NOTCH4: variants seen among roughly 807,000 people sequenced by gnomAD.
NOTCH4 encodes neurogenic locus notch homolog protein 4.
Under a neutral mutation model 189.0 loss-of-function variants are expected in NOTCH4, and 138 were observed. The observed-to-expected ratio is 0.73, with a 90% CI of 0.64 to 0.84. The LOEUF is 0.84. Ranked by LOEUF, NOTCH4 falls within the 40% of genes least tolerant of loss-of-function variation. The probability of loss-of-function intolerance (pLI) is 0.00; values close to 1 mark genes in which losing one functional copy is unlikely to be tolerated. For missense variants in NOTCH4, 2,286 were observed against 2,605.4 expected, an observed-to-expected ratio of 0.88 and a Z score of 2.67; for synonymous variants, 942 against 1,032.8, an observed-to-expected ratio of 0.91 and a Z score of 1.69.
At position 32,203,822 on chromosome 6, in the gene NOTCH4, G is replaced by T. The variant is rs1380445588; in HGVS notation, c.3179C>A (p.Thr1060Asn). Reference protein sequence around the residue: ...CHSQPCFHGGTCEATAGSPLG... With the variant: ...CHSQPCFHGGNCEATAGSPLG... Reference sequence around the variant, plus strand: ...GGGTGATCCTGCTGTGGCCTCACAGGTCCCTCCATGAAAGCAGGGTTGGCT... The same window carrying T: ...GGGTGATCCTGCTGTGGCCTCACAGTTCCCTCCATGAAAGCAGGGTTGGCT... The change falls in exon 20 of 30, where the codon ACC becomes AAC. Residue 1060 changes from threonine (T) to asparagine (N), a missense_variant. By Grantham distance (65) the Thr-to-Asn change is moderately conservative. Around this residue, in one of 2 missense-constraint regions of NOTCH4, gnomAD observed 1,903 missense variants for 2,261.9 expected, o/e 0.84. Coordinates refer to ENST00000375023, the MANE Select transcript of NOTCH4 (RefSeq NM_004557.4). 3.2e-6 allele frequency: 5 copies of T among 1,562,396 alleles called. No individual in the cohort carries two copies. Among genetic ancestry groups the T allele is most frequent in the Non-Finnish European group, 3.5e-6 (4 of 1,152,812 alleles).
chr6:32,214,038 G>A (rs958564778), intron 13 of NOTCH4, 72 bp downstream of exon 13: 28 of 1,529,822 alleles, frequency 1.8e-5, no homozygotes, highest in African/African-American at 4.2e-5. Context: ...CTCAGGGCCC[G>A]TGGTCGCCTG....
chr6:32,220,910 G>A (rs1481771552), intron 4 of NOTCH4, 32 bp from the exon 5 acceptor site: 3 of 1,607,412 alleles, frequency 1.9e-6, no homozygotes, highest in Non-Finnish European at 1.7e-6. Flanking sequence ...TGTGGGAGGA[G>A]GCTCCAACGG....
rs1286832267 is a variant in NOTCH4, at chr6:32,220,126, C to T, written c.1315+3G>A. 7 of 1,613,094 alleles carry T rather than the reference C, an allele frequency of 4.3e-6. No homozygotes were observed. The highest frequency in any genetic ancestry group is 5.9e-6 in the Non-Finnish European group (7 of 1,179,904). ...AGAGGCTCTGAAGTGGGAGTGGCCT[C>T]ACCCATCAGACACTCGTCCAGGTCC... On this transcript the variant is annotated splice_donor_region_variant and intron_variant, in intron 7 of 29. Transcript: ENST00000375023.
intron 15 of NOTCH4, 54 bp downstream of exon 15, chr6:32,213,081 G>T: frequency 7.3e-7 from 1 of 1,372,234 alleles, no homozygotes; most frequent in Non-Finnish European, 1.0e-6. Context: ...TGAGAGGAGG[G>T]GTGGGAAGGC....
At chr6:32,220,078 G>A (rs765643030) in intron 7 of NOTCH4, 51 bp downstream of exon 7, 2 of 1,579,286 alleles carry the variant, frequency 1.3e-6, no homozygotes, top group East Asian at 2.2e-5. Flanking sequence ...TGTCTTCAGT[G>A]CAGAGGCCTG....
Position 32,195,914 on chromosome 6 carries a change from C to G in NOTCH4, c.5535G>C (p.Thr1845=). 1 of 1,586,176 alleles carries G rather than the reference C, an allele frequency of 6.3e-7. No individual in the cohort carries two copies. Among genetic ancestry groups the G allele is most frequent in the Non-Finnish European group, 8.5e-7 (1 of 1,173,756 alleles). The change falls in exon 30 of 30, where the codon ACG becomes ACC. Residue 1845 remains threonine (T), a synonymous_variant. Coordinates refer to ENST00000375023, the MANE Select transcript of NOTCH4 (RefSeq NM_004557.4). The surrounding 1 kb of genome is among the most constrained non-coding windows in gnomAD (Gnocchi z 5.4). ...REAGPFPRAR[T]VSVSVPPHGG... Reference sequence around the variant, plus strand: ...CATGCGGGGGCACGCTTACTGACACCGTCCGTGCGCGCGGGAAGGGCCCAG... The same window carrying G: ...CATGCGGGGGCACGCTTACTGACACGGTCCGTGCGCGCGGGAAGGGCCCAG...
In NOTCH4 at chr6:32,199,010, G is replaced by C; in HGVS notation, c.4451C>G (p.Pro1484Arg). 1 of 1,612,390 alleles carries C rather than the reference G, an allele frequency of 6.2e-7. No individual in the cohort carries two copies. The highest frequency in any genetic ancestry group is 8.5e-7 in the Non-Finnish European group (1 of 1,179,652). The change falls in exon 24 of 30, where the codon CCC (proline) becomes CGC (arginine). Residue 1484 changes from proline (P) to arginine (R), a missense_variant. By Grantham distance (103) the Pro-to-Arg change is moderately radical. Transcript: ENST00000375023. This position sits in a 1 kb window ranked among gnomAD's most constrained non-coding sequence, Gnocchi z 4.9. ...CCGAGGCCGTCGAGTGAAACCAGGGGGCAGCCAGAGAGCTCCATGCTCTCG... is the reference window on the plus strand; with the variant it reads ...CCGAGGCCGTCGAGTGAAACCAGGGCGCAGCCAGAGAGCTCCATGCTCTCG... ...RRREHGALWL[P>R]PGFTRRPRTQ...
chr6:32,201,457 G>T lies in NOTCH4; in HGVS notation c.3799C>A (p.His1267Asn). The T allele has an allele frequency of 6.5e-7, 1 of 1,527,796 alleles. No individual in the cohort carries two copies. The allele number at this position is 1,527,796 out of a possible 1,614,324, so 94.6% of individuals were successfully genotyped here. A position where few individuals can be genotyped will look rare whatever the true frequency, so the allele number is the denominator to read the frequency against. The stretch of plus-strand genomic sequence containing the variant: ...GCAGTGTTGCAGCCTTTCTCACAGT[G>T]CCCGTTGTGGAAGTGATCATGGCAG... The part of the protein sequence containing the change: ...QYCHDHFHNG[H>N]CEKGCNTAEC... Residue 1267 changes from histidine to asparagine, a missense_variant, in exon 22 of 30, where the codon CAC becomes AAC. This residue lies in a region of NOTCH4 where 1,903 missense variants were observed against 2,261.9 expected (regional missense o/e 0.84). Transcript: ENST00000375023. This position sits in a 1 kb window ranked among gnomAD's most constrained non-coding sequence, Gnocchi z 5.5.
rs772802948 is a variant in NOTCH4 at position 32,204,371 on chromosome 6, C to T, written c.2884G>A (p.Gly962Arg). The T allele has an allele frequency of 6.2e-7, 1 of 1,613,000 alleles. No individual in the cohort carries two copies. The highest frequency in any genetic ancestry group is 8.5e-7 in the Non-Finnish European group (1 of 1,179,994). ...TCGAGTTCCTTTGAGCAGTTCTGTC[C>T]ATCGTAGCCTGGGGCACACTGCAGA... ...YLCQCAPGYD[G>R]QNCSKELDAC... The change falls in exon 19 of 30, where the codon GGA becomes AGA. Residue 962 changes from glycine to arginine, a missense_variant. Gly to Arg is a moderately radical substitution (Grantham distance 125). Coordinates refer to ENST00000375023, the MANE Select transcript of NOTCH4 (RefSeq NM_004557.4).
intron 27 of NOTCH4, 40 bp downstream of exon 27, chr6:32,197,259 G>A (rs1377444699): frequency 1.3e-6 from 2 of 1,514,818 alleles, no homozygotes; most frequent in East Asian, 4.5e-5. Flanking sequence ...TTACTTGTAA[G>A]CTCGCCCCAT....
At chr6:32,219,033 T>C (rs1789586673) in intron 8 of NOTCH4, among the ~76,000 whole-genome samples, 1 of 152,200 alleles carries the variant, frequency 6.6e-6, no homozygotes, top group Admixed American at 6.5e-5. Flanking sequence ...TTTTCTGATT[T>C]CATTCAACTC....
At chr6:32,220,358 A>G (rs2127486838) in intron 6 of NOTCH4, 47 bp downstream of exon 6, 1 of 1,610,952 alleles carries the variant, frequency 6.2e-7, no homozygotes, top group Non-Finnish European at 8.5e-7. Context: ...TGCTTCTCTC[A>G]CCCTCCTTCT....
chr6:32,201,390 C>T lies in NOTCH4; in HGVS notation c.3866G>A (p.Gly1289Glu). ...WDGGDCRPED[G>E]DPEWGPSLAL... Reference sequence around the variant, plus strand: ...CAGGGAGGGCCCCCACTCTGGGTCCCCATCTTCAGGCCTGCAGTCACCTCC... The same window carrying T: ...CAGGGAGGGCCCCCACTCTGGGTCCTCATCTTCAGGCCTGCAGTCACCTCC... Residue 1289 changes from glycine (G) to glutamate (E), a missense_variant, in exon 22 of 30, where the codon GGG becomes GAG. By Grantham distance (98) the Gly-to-Glu change is moderately conservative. Transcript: ENST00000375023. The surrounding 1 kb of genome is among the most constrained non-coding windows in gnomAD (Gnocchi z 5.5). 1 of 1,584,568 alleles carries T rather than the reference C, an allele frequency of 6.3e-7. No individual in the cohort carries two copies. Among genetic ancestry groups the T allele is most frequent in the South Asian group, 1.2e-5 (1 of 86,410 alleles).
At position 32,195,980 on chromosome 6, in the gene NOTCH4, C is replaced by T. The variant is rs1460535288; in HGVS notation, c.5469G>A (p.Gly1823=). ...TGGCTTTGTGACGGGCCTCTGGTGG[C>T]CCAGCCCCTTCCAGCAGCGTCAGCA... The part of the protein sequence containing the change: ...WDLLTLLEGA[G]PPEARHKATP... Residue 1823 remains glycine, a synonymous_variant, in exon 30 of 30, where the codon GGG becomes GGA. Coordinates refer to ENST00000375023, the MANE Select transcript of NOTCH4 (RefSeq NM_004557.4). The surrounding 1 kb of genome is among the most constrained non-coding windows in gnomAD (Gnocchi z 5.4). The T allele has an allele frequency of 4.4e-6, 7 of 1,598,682 alleles. No individual in the cohort carries two copies. The highest frequency in any genetic ancestry group is 5.1e-6 in the Non-Finnish European group (6 of 1,179,092).
At position 32,203,807 on chromosome 6, in the gene NOTCH4, G is replaced by A; in HGVS notation, c.3194C>T (p.Ala1065Val). The change falls in exon 20 of 30, where the codon GCA becomes GTA. Residue 1065 changes from alanine (A) to valine (V), a missense_variant. Coordinates refer to ENST00000375023, the MANE Select transcript of NOTCH4 (RefSeq NM_004557.4). ...CFHGGTCEAT[A>V]GSPLGFICHC... ...GCAGATGAAACCCAGGGGTGATCCT[G>A]CTGTGGCCTCACAGGTCCCTCCATG... 6.4e-7 allele frequency: 1 copy of A among 1,560,356 alleles called. No individual in the cohort carries two copies. Among genetic ancestry groups the A allele is most frequent in the Non-Finnish European group, 8.7e-7 (1 of 1,151,734 alleles).
At chr6:32,204,506 C>T in intron 18 of NOTCH4, 117 bp from the exon 19 acceptor site, 1 of 1,110,414 alleles carries the variant, frequency 9.0e-7, no homozygotes, top group Non-Finnish European at 1.3e-6. Flanking sequence ...CAGCATCACT[C>T]AACTCACCAT....
chr6:32,216,038 T>A (rs2395104), intron 11 of NOTCH4: 30,833 of 150,568 alleles, frequency 0.2, 3,479 homozygotes, highest in East Asian at 0.37. Flanking sequence ...TATTTTTTTT[T>A]TTTTTTGAGG....
At chr6:32,203,682 C>T in intron 20 of NOTCH4, 88 bp downstream of exon 20, 3 of 961,108 alleles carry the variant, frequency 3.1e-6, no homozygotes, top group Non-Finnish European at 3.1e-6. Flanking sequence ...TCAGTGCTCA[C>T]CCACAGTCCC....
rs1181586052 is a variant in NOTCH4 at position 32,199,431 on chromosome 6, G to A, written c.4316-286C>T. On this transcript the variant is annotated intron_variant, in intron 23 of 29. Transcript: ENST00000375023. The surrounding 1 kb of genome is among the most constrained non-coding windows in gnomAD (Gnocchi z 4.9). ...AAAATATAAAAATTAGTGGCTGGGT[G>A]TAGTGGCTTACTCCTATAATCTCAG... Among the ~76,000 whole-genome samples the A allele has an allele frequency of 6.6e-6, 1 of 152,174 alleles. No individual in the cohort carries two copies. The highest frequency in any genetic ancestry group is 1.5e-5 in the Non-Finnish European group (1 of 68,044).
Sources: gnomAD v4.1 joint callset for allele counts (sites outside exome capture counted in the v4.1 genomes callset) on GRCh38, gnomAD v4.1.1 for gene constraint, gnomAD v4.1.1 regional missense constraint, Gnocchi (gnomAD v3.1) non-coding constraint, MANE v1.5 for transcripts, NCBI Gene and HGNC (gene_info 2026-07-23, HGNC 2026-07-21) for gene names.